IDE: variants seen among roughly 807,000 people sequenced by gnomAD.
The protein encoded by IDE is insulin-degrading enzyme.
IDE carries 58 observed loss-of-function variants against 133.2 expected under a neutral mutation model. The observed-to-expected ratio is 0.44, with a 90% confidence interval of 0.35 to 0.54. The LOEUF is 0.54. IDE is among the 20% of genes least tolerant of loss of function. The pLI is 0.00. For synonymous variants in IDE, 396 were observed against 421.3 expected, an observed-to-expected ratio of 0.94 and a Z score of 0.73; for missense variants, 981 against 1,234.0, an observed-to-expected ratio of 0.79 and a Z score of 3.07.
intron 1 of IDE, chr10:92,541,396 CCTGT>C (rs766810254): frequency 2.2e-6 from 1 of 457,778 alleles, no homozygotes; most frequent in South Asian, 1.6e-5. Flanking sequence ...CATAAGATCA[CCTGT>C]CTATCTACTT....
rs989349119 is a variant in IDE, at chr10:92,463,766, C to T, written c.2726G>A (p.Gly909Glu). The change falls in exon 21 of 25, where the codon GGA becomes GAA. Residue 909 changes from glycine to glutamate, a missense_variant. By Grantham distance (98) the Gly-to-Glu change is moderately conservative. Around this residue, in one of 2 missense-constraint regions of IDE, gnomAD observed 660 missense variants for 894.7 expected, o/e 0.74. Coordinates refer to ENST00000265986, the MANE Select transcript of IDE (RefSeq NM_004969.4). Reference sequence around the variant, plus strand: ...ATTATATTGCTGGGAGATGATTTCTCCCCAGTATTTAGCACACTCAGCAGA... The same window carrying T: ...ATTATATTGCTGGGAGATGATTTCTTCCCAGTATTTAGCACACTCAGCAGA... ...KLSAECAKYWGEIISQQYNFD... is the reference protein window; with the variant it reads ...KLSAECAKYWEEIISQQYNFD... 1 of 1,614,126 alleles carries T rather than the reference C, an allele frequency of 6.2e-7. No individual in the cohort carries two copies. Among genetic ancestry groups the T allele is most frequent in the African/African-American group, 1.3e-5 (1 of 75,042 alleles).
chr10:92,478,782 T>C, intron 15 of IDE: 3 of 1,229,910 alleles, frequency 2.4e-6, no homozygotes, highest in South Asian at 2.8e-5. Context: ...TCAGCATAAA[T>C]GTAGCGACTA....
intron 1 of IDE, among the ~76,000 whole-genome samples, chr10:92,543,633 A>T (rs1326147604): frequency 2.6e-5 from 4 of 152,176 alleles, no homozygotes; most frequent in African/African-American, 9.7e-5. Flanking sequence ...CAACAAATAA[A>T]CCCTTAAATG....
intron 22 of IDE, among the ~76,000 whole-genome samples, chr10:92,459,824 CTTTT>C (rs901315055): frequency 6.5e-5 from 6 of 92,782 alleles, no homozygotes; most frequent in Non-Finnish European, 1.0e-4. Flanking sequence ...GTGTGAACCT[CTTTT>C]TTTTTTTTTT....
Position 92,487,323 on chromosome 10 carries a change from A to G in IDE, c.1534-5T>C, listed in dbSNP as rs746632298. 1.3e-5 allele frequency: 21 copies of G among 1,608,540 alleles called. No homozygotes were observed. The Admixed American group carries it at 3.6e-4, about 27-fold the overall frequency. On this transcript the variant is annotated splice_polypyrimidine_tract_variant and splice_region_variant and intron_variant, in intron 12 of 24. Transcript: ENST00000265986. ...CAGGTCAGCATTTTGCCATTTCTGG[A>G]TGAATAATGAAACACACAAATGCAG...
At position 92,479,283 on chromosome 10, in the gene IDE, C is replaced by T. The variant is rs373007264; in HGVS notation, c.1878G>A (p.Gly626=). The change falls in exon 15 of 25, where the codon GGG becomes GGA. Residue 626 remains glycine (G), a synonymous_variant. Coordinates refer to ENST00000265986, the MANE Select transcript of IDE (RefSeq NM_004969.4). The stretch of plus-strand genomic sequence containing the variant: ...CTAAGGCGTGGGTACTTACATACAT[C>T]CCATAGATGGTATTTTGGAGATCAT... ...LSYDLQNTIY[G]MYLSVKGYND... 2.5e-6 allele frequency: 4 copies of T among 1,610,334 alleles called. No individual in the cohort carries two copies. The highest frequency in any genetic ancestry group is 2.2e-5 in the South Asian group (2 of 90,936).
chr10:92,541,529 A>T (rs557254743), intron 1 of IDE, among the ~76,000 whole-genome samples: 2 of 152,180 alleles, frequency 1.3e-5, no homozygotes, highest in South Asian at 4.1e-4. Context: ...TTTCCCAGAC[A>T]TTTATATTTT....
chr10:92,569,475 G>C (rs1053582803), intron 1 of IDE, among the ~76,000 whole-genome samples: 5 of 152,176 alleles, frequency 3.3e-5, no homozygotes, highest in Non-Finnish European at 7.3e-5. Context: ...AAGATGTTAC[G>C]AAGATGATCA....
chr10:92,558,132 A>G (rs774041655), intron 1 of IDE, among the ~76,000 whole-genome samples: 3 of 152,132 alleles, frequency 2.0e-5, no homozygotes, highest in Non-Finnish European at 2.9e-5. Context: ...AGCTCACCGC[A>G]ACGTCCACCT....
intron 14 of IDE, 24 bp downstream of exon 14, chr10:92,483,231 A>G (rs763920390): frequency 1.2e-5 from 14 of 1,208,954 alleles, no homozygotes; most frequent in Non-Finnish European, 1.7e-5. Flanking sequence ...TATAAGCTTT[A>G]TAAGCTAGAT....
intron 11 of IDE, among the ~76,000 whole-genome samples, chr10:92,491,783 G>T (rs1847361691): frequency 6.6e-6 from 1 of 151,716 alleles, no homozygotes. Flanking sequence ...GCTAATTTTT[G>T]TATTGTTAGT....
chr10:92,503,671 C>T (rs77592315), intron 11 of IDE, among the ~76,000 whole-genome samples: 2 of 150,884 alleles, frequency 1.3e-5, no homozygotes, highest in Admixed American at 6.6e-5. Flanking sequence ...AAAGTTCAAA[C>T]AATGGTAACT....
In IDE at chr10:92,507,597, T is replaced by C. The variant is rs577941336; in HGVS notation, c.1223A>G (p.Glu408Gly). The C allele has an allele frequency of 3.7e-6, 6 of 1,605,320 alleles. No individual in the cohort carries two copies. In the South Asian group the frequency reaches 6.6e-5, roughly 18 times the overall value. The change falls in exon 9 of 25, where the codon GAA becomes GGA. Residue 408 changes from glutamate (E) to glycine (G), a missense_variant. Glu to Gly is a moderately conservative substitution (Grantham distance 98, BLOSUM62 -2). Transcript: ENST00000265986. ...TACCTTGCACTCTTGGAAAACCCATTCTTGAGGTCCTTCTGCACGTAACTT... is the reference window on the plus strand; with the variant it reads ...TACCTTGCACTCTTGGAAAACCCATCCTTGAGGTCCTTCTGCACGTAACTT... ...IQKLRAEGPQ[E>G]WVFQECKDLN... is the part of the protein sequence containing the mutation.
chr10:92,544,772 G>T (rs1842468098), intron 1 of IDE, among the ~76,000 whole-genome samples: 1 of 152,194 alleles, frequency 6.6e-6, no homozygotes, highest in Non-Finnish European at 1.5e-5. Context: ...GGGGGAGTCT[G>T]CAATGCTTCT....
chr10:92,452,671 T>C lies in IDE; in HGVS notation c.*1773A>G, dbSNP rs572698641. ...TTTTTAAAAAAGAGCTAAAAGTTAC[T>C]CAATAGCACATAATTTTCCACATAA... On this transcript the variant is annotated 3_prime_UTR_variant, in exon 25 of 25. Coordinates refer to ENST00000265986, the MANE Select transcript of IDE (RefSeq NM_004969.4). 1 of 152,376 alleles carries C rather than the reference T, an allele frequency of 6.6e-6. No individual in the cohort carries two copies. Among genetic ancestry groups the C allele is most frequent in the South Asian group, 2.1e-4 (1 of 4,834 alleles). The allele number at this position is 152,376 out of a possible 1,614,324, so 9.4% of individuals were successfully genotyped here. A position where few individuals can be genotyped will look rare whatever the true frequency, so the allele number is the denominator to read the frequency against.
intron 11 of IDE, among the ~76,000 whole-genome samples, chr10:92,496,678 C>T (rs889103997): frequency 2.6e-5 from 4 of 152,010 alleles, no homozygotes; most frequent in East Asian, 1.9e-4. Flanking sequence ...GCCAGCCACT[C>T]GGGAGGCTGA....
intron 1 of IDE, among the ~76,000 whole-genome samples, chr10:92,539,955 T>C (rs764202990): frequency 6.6e-6 from 1 of 151,850 alleles, no homozygotes; most frequent in Non-Finnish European, 1.5e-5. Context: ...CAGATAACAG[T>C]CCTAGGCCAG....
chr10:92,488,005 G>A (rs1167295613), intron 12 of IDE, among the ~76,000 whole-genome samples: 2 of 152,028 alleles, frequency 1.3e-5, no homozygotes, highest in African/African-American at 4.8e-5. Flanking sequence ...CTGTTGCCCA[G>A]GCTGGTCTTG....
chr10:92,534,601 T>A lies in IDE; in HGVS notation c.468A>T (p.Glu156Asp). ...ACCTGTCTAGGGCACCTTCTAGGTG[T>A]TCATGAGAAACATCAAAATAGTAAT... Reference protein sequence around the residue: ...HTNYYFDVSHEHLEGALDRFA... With the variant: ...HTNYYFDVSHDHLEGALDRFA... Residue 156 changes from glutamate (E) to aspartate (D), a missense_variant, in exon 3 of 25, where the codon GAA becomes GAT. Transcript: ENST00000265986. 6.2e-7 allele frequency: 1 copy of A among 1,613,494 alleles called. No homozygotes were observed. Among genetic ancestry groups the A allele is most frequent in the Non-Finnish European group, 8.5e-7 (1 of 1,179,530 alleles).
Sources: allele counts gnomAD v4.1 joint callset (sites outside exome capture counted in the v4.1 genomes callset), GRCh38; gene constraint gnomAD v4.1.1; regional missense constraint gnomAD v4.1.1; transcripts MANE v1.5; gene names NCBI Gene and HGNC (gene_info 2026-07-23, HGNC 2026-07-21).